Variants in MAML3 observed in about 807,000 individuals in gnomAD.
MAML3 encodes mastermind-like protein 3.
In MAML3, 27 loss-of-function variants were observed where a neutral mutation model predicts 101.9. The ratio of observed to expected loss-of-function variants is 0.27; its 90% CI spans 0.20 to 0.37. The LOEUF is 0.37. Ranked by LOEUF, MAML3 falls within the 10% of genes least tolerant of loss-of-function variation. The pLI, the probability that MAML3 is intolerant of heterozygous loss-of-function variation, is 1.00. For synonymous variants in MAML3, 501 were observed against 555.9 expected (o/e 0.90, Z 1.39); for missense variants, 1,316 against 1,444.9 (o/e 0.91, Z 1.45).
At chr4:139,853,389 A>C (rs2111157829) in intron 2 of MAML3, among the ~76,000 whole-genome samples, 1 of 152,324 alleles carries the variant, frequency 6.6e-6, no homozygotes, top group East Asian at 1.9e-4. Context: ...GAATAAACAA[A>C]GAGACAGTAG....
At position 140,104,643 on chromosome 4, in the gene MAML3, A is replaced by C. The variant is rs116047320; in HGVS notation, c.468+48217T>G. Among the ~76,000 whole-genome samples, 956 of 149,670 alleles carry C rather than the reference A, an allele frequency of 6.4e-3. 9 individuals are homozygous for C. Among genetic ancestry groups the C allele is most frequent in the African/African-American group, 0.023 (912 of 40,524 alleles). The stretch of plus-strand genomic sequence containing the variant: ...GAGAAGCTGGTATTACAGGCACGCA[A>C]CATCATGCCCAGTTAATTTTTGTGT... On this transcript the variant is annotated intron_variant, in intron 1 of 4. Coordinates refer to ENST00000509479, the MANE Select transcript of MAML3 (RefSeq NM_018717.5).
intron 2 of MAML3, among the ~76,000 whole-genome samples, chr4:139,863,374 G>C (rs1393690889): frequency 1.0e-3 from 126 of 123,730 alleles, no homozygotes; most frequent in African/African-American, 3.3e-3. Flanking sequence ...TTTTGAGACA[G>C]AGTTTTGCTC....
rs1384095252 is a variant in MAML3 at position 139,889,719 on chromosome 4, T to A, written c.1717A>T (p.Asn573Tyr). ...KTTMNNYLPQ[N>Y]HMNMINQQPN... ...TGCTGATTGATCATATTCATGTGAT[T>A]CTGAGGGAGGTAGTTATTCATTGTT... The change falls in exon 2 of 5, where the codon AAT (asparagine) becomes TAT (tyrosine). Residue 573 changes from asparagine to tyrosine, a missense_variant. Asn to Tyr is a moderately radical substitution (Grantham distance 143). Coordinates refer to ENST00000509479, the MANE Select transcript of MAML3 (RefSeq NM_018717.5). 2 of 1,613,918 alleles carry A rather than the reference T, an allele frequency of 1.2e-6. No individual in the cohort carries two copies. The highest frequency in any genetic ancestry group is 1.1e-5 in the South Asian group (1 of 91,096).
intron 2 of MAML3, among the ~76,000 whole-genome samples, chr4:139,807,597 A>G (rs982721614): frequency 3.3e-5 from 5 of 152,210 alleles, no homozygotes; most frequent in African/African-American, 1.2e-4. Flanking sequence ...TCAAGGGAGC[A>G]TACACGTACC....
chr4:139,990,150 C>G (rs1487321747), intron 1 of MAML3, among the ~76,000 whole-genome samples: 1 of 152,066 alleles, frequency 6.6e-6, no homozygotes, highest in Non-Finnish European at 1.5e-5. Flanking sequence ...CAGACAACCT[C>G]ACTATAGAGA....
At chr4:140,025,477 A>G (rs1471788456) in intron 1 of MAML3, among the ~76,000 whole-genome samples, 1 of 152,198 alleles carries the variant, frequency 6.6e-6, no homozygotes, top group Non-Finnish European at 1.5e-5. Flanking sequence ...AAGAATATGG[A>G]AAGATTTCTG....
In MAML3 at chr4:140,104,370, A is replaced by AT. The variant is rs1188641766; in HGVS notation, c.468+48489dup. Among the ~76,000 whole-genome samples the AT allele has an allele frequency of 5.8e-4, 13 of 22,544 alleles. No individual in the cohort carries two copies. In the South Asian group the frequency reaches 0.012, roughly 21 times the overall value. The allele number at this position is 22,544 out of a possible 152,430, so 14.8% of individuals were successfully genotyped here. A position where few individuals can be genotyped will look rare whatever the true frequency, so the allele number is the denominator to read the frequency against. On this transcript the variant is annotated intron_variant, in intron 1 of 4. Coordinates refer to ENST00000509479, the MANE Select transcript of MAML3 (RefSeq NM_018717.5). Reference sequence around the variant, plus strand: ...AAAAAACCAAACCTATTTTATATATATATATAATATATATATATTATATAT... The same window carrying AT: ...AAAAAACCAAACCTATTTTATATATATTATATAATATATATATATTATATAT...
At chr4:139,773,367 G>C (rs7664679) in intron 2 of MAML3, among the ~76,000 whole-genome samples, 10,074 of 152,154 alleles carry the variant, frequency 0.066, 746 homozygotes, top group African/African-American at 0.18. Context: ...TAAATCTCTC[G>C]CAATGCTTCA....
chr4:140,143,430 G>A (rs977020953), intron 1 of MAML3, among the ~76,000 whole-genome samples: 4 of 152,184 alleles, frequency 2.6e-5, no homozygotes, highest in African/African-American at 4.8e-5. Flanking sequence ...GGACTTTTAC[G>A]TATACTAACT....
At chr4:140,030,809 C>T (rs1726895749) in intron 1 of MAML3, among the ~76,000 whole-genome samples, 1 of 152,200 alleles carries the variant, frequency 6.6e-6, no homozygotes, top group South Asian at 2.1e-4. Context: ...ACAGAGGAGA[C>T]ATTCTAAACC....
intron 1 of MAML3, among the ~76,000 whole-genome samples, chr4:140,047,626 C>G (rs925548423): frequency 6.6e-6 from 1 of 152,116 alleles, no homozygotes; most frequent in Non-Finnish European, 1.5e-5. Context: ...AACTGCAGGA[C>G]AAGCCAGTTT....
At chr4:139,929,751 T>C (rs760556344) in intron 1 of MAML3, among the ~76,000 whole-genome samples, 26 of 152,252 alleles carry the variant, frequency 1.7e-4, no homozygotes, top group Non-Finnish European at 3.5e-4. Flanking sequence ...ATTATCTTTC[T>C]TATTATGAAA....
At position 140,102,887 on chromosome 4, in the gene MAML3, T is replaced by C. The variant is rs1728276307; in HGVS notation, c.468+49973A>G. Among the ~76,000 whole-genome samples the C allele has an allele frequency of 1.3e-5, 2 of 152,074 alleles. 1 individual carries two copies. Among genetic ancestry groups the C allele is most frequent in the South Asian group, 4.2e-4 (2 of 4,806 alleles). On this transcript the variant is annotated intron_variant, in intron 1 of 4. Transcript: ENST00000509479. ...CAAGTGAAGAGAATGAAGGCCACAG[T>C]AGGAAGTAAAGGAAAGAAGGGAAGC...
chr4:139,834,173 C>T (rs950806224), intron 2 of MAML3, among the ~76,000 whole-genome samples: 1 of 152,240 alleles, frequency 6.6e-6, no homozygotes, highest in Admixed American at 6.5e-5. Flanking sequence ...TAATAGGAAA[C>T]TTATCTTCAT....
chr4:139,768,222 T>TTG (rs34182828), intron 2 of MAML3, among the ~76,000 whole-genome samples: 30,276 of 136,088 alleles, frequency 0.22, 3,342 homozygotes, highest in East Asian at 0.45. Flanking sequence ...CTGTTGATAG[T>TTG]TGTGTGTGTG....
intron 1 of MAML3, among the ~76,000 whole-genome samples, chr4:139,955,652 T>C (rs1242315027): frequency 1.3e-5 from 2 of 152,224 alleles, no homozygotes. Context: ...ACACAGTCTC[T>C]TTAAATGGAC....
rs1466881193 is a variant in MAML3 at position 140,069,348 on chromosome 4, GAGAAGGAGAAGGAGAAGA to G, written c.468+83494_468+83511del. Reference sequence around the variant, plus strand: ...GAAGAAGGAGAAGGAGAAGGAGAAGGAGAAGGAGAAGGAGAAGAAGAAGAAGAAGAAGAAGAAGGAGGA... The same window carrying G: ...GAAGAAGGAGAAGGAGAAGGAGAAGGAGAAGAAGAAGAAGAAGAAGGAGGA... On this transcript the variant is annotated intron_variant, in intron 1 of 4. Coordinates refer to ENST00000509479, the MANE Select transcript of MAML3 (RefSeq NM_018717.5). Among the ~76,000 whole-genome samples the G allele has an allele frequency of 4.6e-4, 53 of 114,412 alleles. 1 individual carries two copies. In the East Asian group the frequency reaches 4.9e-3, roughly 11 times the overall value. The allele number at this position is 114,412 out of a possible 152,430, so 75.1% of individuals were successfully genotyped here. A position where few individuals can be genotyped will look rare whatever the true frequency, so the allele number is the denominator to read the frequency against.
intron 2 of MAML3, among the ~76,000 whole-genome samples, chr4:139,793,422 A>G (rs1460514221): frequency 1.3e-5 from 2 of 152,148 alleles, no homozygotes; most frequent in Non-Finnish European, 2.9e-5. Context: ...TAGTTCTCCA[A>G]TCACCAAGAT....
intron 1 of MAML3, among the ~76,000 whole-genome samples, chr4:140,055,938 G>A (rs1434684986): frequency 2.0e-5 from 3 of 151,992 alleles, no homozygotes; most frequent in Non-Finnish European, 4.4e-5. Flanking sequence ...TAGAAATGGA[G>A]AACTGATGAT....
Sources: gnomAD v4.1 joint callset for allele counts (sites outside exome capture counted in the v4.1 genomes callset) on GRCh38, gnomAD v4.1.1 for gene constraint, MANE v1.5 for transcripts, NCBI Gene and HGNC (gene_info 2026-07-23, HGNC 2026-07-21) for gene names.